The following CDHR1 variants were observed in gnomAD, a reference collection of about 807,000 sequenced individuals.
CDHR1 encodes the protein cadherin related family member 1.
In CDHR1, 61 loss-of-function variants were observed where a neutral mutation model predicts 72.1. The ratio of observed to expected loss-of-function variants is 0.85; its 90% CI spans 0.69 to 1.05. CDHR1 has a LOEUF of 1.05. Ranked by LOEUF, CDHR1 falls within the 50% of genes least tolerant of loss-of-function variation. The pLI is 0.00. For synonymous variants in CDHR1, 470 were observed against 448.1 expected (o/e 1.05, Z -0.62); for missense variants, 1,186 against 1,115.7 (o/e 1.06, Z -0.90).
Position 84,218,238 on chromosome 10 carries a change from C to T in CDHR1, c.*3617C>T. On this transcript the variant is annotated 3_prime_UTR_variant, in exon 17 of 17. Transcript: ENST00000623527. ...CTCACAAACAACCTAGGGAGGGGTTCTCTGAAGGGCCTAGTTTCCAGAATG... is the reference window on the plus strand; with the variant it reads ...CTCACAAACAACCTAGGGAGGGGTTTTCTGAAGGGCCTAGTTTCCAGAATG... 1 of 985,440 alleles carries T rather than the reference C, an allele frequency of 1.0e-6. No individual in the cohort carries two copies. The highest frequency in any genetic ancestry group is 4.7e-5 in the South Asian group (1 of 21,284). 61.0% of individuals were successfully genotyped at this position (985,440 alleles called of 1,614,324 possible).
In CDHR1 at chr10:84,205,829, A is replaced by ATTTGAAATT. The variant is rs761659444; in HGVS notation, c.865_866insTTTGAAATT (p.Asn289delinsIleTer). The ATTTGAAATT allele has an allele frequency of 1.9e-6, 3 of 1,613,252 alleles. No homozygotes were observed. Among genetic ancestry groups the ATTTGAAATT allele is most frequent in the Non-Finnish European group, 1.7e-6 (2 of 1,179,438 alleles). ...TCAGGGTGCATCTCCCTTGACAGGG[A>ATTTGAAATT]ACGATGGAGCCTTTGAAATTAATGA... On this transcript the variant is annotated stop_gained and protein_altering_variant, in exon 10 of 17. Coordinates refer to ENST00000623527, the MANE Select transcript of CDHR1 (RefSeq NM_033100.4). LOFTEE classifies it high-confidence loss of function.
chr10:84,206,577 C>A (rs915260877), intron 10 of CDHR1, among the ~76,000 whole-genome samples: 1 of 152,166 alleles, frequency 6.6e-6, no homozygotes, highest in African/African-American at 2.4e-5. Context: ...CAGTAAGGAG[C>A]CATTGGAAGG....
chr10:84,212,831 C>A, intron 15 of CDHR1: 1 of 581,874 alleles, frequency 1.7e-6, no homozygotes, highest in Non-Finnish European at 3.1e-6. Flanking sequence ...TTCATTTCTG[C>A]ATCTGTAATA....
At chr10:84,207,753 G>A (rs1842252878) in intron 10 of CDHR1, among the ~76,000 whole-genome samples, 1 of 152,188 alleles carries the variant, frequency 6.6e-6, no homozygotes, top group South Asian at 2.1e-4. Context: ...CCCTCACATG[G>A]TTGCAATCAG....
rs958854123 is a variant in CDHR1, at chr10:84,214,715, A to C, written c.*94A>C. ...TCCCCTTCCTCTGCTCCTTAAGGTC[A>C]CTGACCCCTGTTTTGCACAATGGTA... On this transcript the variant is annotated 3_prime_UTR_variant, in exon 17 of 17. Coordinates refer to ENST00000623527, the MANE Select transcript of CDHR1 (RefSeq NM_033100.4). The C allele has an allele frequency of 1.2e-5, 19 of 1,583,990 alleles. No homozygotes were observed. Among genetic ancestry groups the C allele is most frequent in the Admixed American group, 1.0e-4 (6 of 58,108 alleles).
rs147421275 is a variant in CDHR1 at position 84,205,575 on chromosome 10, TAAGAA to T, written c.863-248_863-244del. 5.2e-3 allele frequency among the ~76,000 whole-genome samples: 780 copies of T among 151,204 alleles called. 7 individuals carry two copies. Among genetic ancestry groups the T allele is most frequent in the African/African-American group, 0.018 (741 of 41,084 alleles). Reference sequence around the variant, plus strand: ...ACACATGCACATATAGTATTATGCATAAGAAAAGGGACACAGTATGGAATGTGGGA... The same window carrying T: ...ACACATGCACATATAGTATTATGCATAAGGGACACAGTATGGAATGTGGGA... On this transcript the variant is annotated intron_variant, in intron 9 of 16. Transcript: ENST00000623527.
rs951989391 is a variant in CDHR1 at position 84,218,343 on chromosome 10, A to T, written c.*3722A>T. 2.0e-6 allele frequency: 2 copies of T among 985,422 alleles called. No homozygotes were observed. The highest frequency in any genetic ancestry group is 2.4e-6 in the Non-Finnish European group (2 of 829,928). 61.0% of individuals were successfully genotyped at this position (985,422 alleles called of 1,614,324 possible). On this transcript the variant is annotated 3_prime_UTR_variant, in exon 17 of 17. Transcript: ENST00000623527. ...GGCTGATGTTGGGGACATCGGTTTG[A>T]TGTTATAAAATCGTGCACATGTACC...
downstream of CDHR1, chr10:84,218,698 CG>C: frequency 1.0e-6 from 1 of 988,726 alleles, no homozygotes. Flanking sequence ...ACAACTATAT[CG>C]GAAACTGTAG....
chr10:84,207,876 G>A (rs912587153), intron 10 of CDHR1, among the ~76,000 whole-genome samples: 1 of 152,146 alleles, frequency 6.6e-6, no homozygotes, highest in Non-Finnish European at 1.5e-5. Context: ...TGGACTAAGA[G>A]GTTCAGCTCC....
chr10:84,204,555 T>A lies in CDHR1; in HGVS notation c.812T>A (p.Met271Lys). ...TCGGAGGTACTGAAGGTGGTCGCCA[T>A]GGATGGAGACCGGGGCAAACCCAAT... is the stretch of plus-strand genomic sequence containing the variant. ...PGSEVLKVVA[M>K]DGDRGKPNRI... The change falls in exon 9 of 17, where the codon ATG becomes AAG. Residue 271 changes from methionine to lysine, a missense_variant. Coordinates refer to ENST00000623527, the MANE Select transcript of CDHR1 (RefSeq NM_033100.4). The A allele has an allele frequency of 6.2e-7, 1 of 1,613,898 alleles. No individual in the cohort carries two copies. The highest frequency in any genetic ancestry group is 1.1e-5 in the South Asian group (1 of 91,070).
chr10:84,219,424 C>T (rs565553017), downstream of CDHR1: 14 of 1,299,302 alleles, frequency 1.1e-5, no homozygotes, highest in South Asian at 2.0e-4. Flanking sequence ...CAGCCCTTCT[C>T]TCATCCTGAC....
At position 84,218,502 on chromosome 10, in the gene CDHR1, C is replaced by A; in HGVS notation, c.*3881C>A. The A allele has an allele frequency of 1.0e-6, 1 of 985,348 alleles. No individual in the cohort carries two copies. 61.0% of individuals were successfully genotyped at this position (985,348 alleles called of 1,614,324 possible). A position where few individuals can be genotyped will look rare whatever the true frequency, so the allele number is the denominator to read the frequency against. On this transcript the variant is annotated 3_prime_UTR_variant, in exon 17 of 17. Coordinates refer to ENST00000623527, the MANE Select transcript of CDHR1 (RefSeq NM_033100.4). ...CTAGGTGTTAGGTGTATGTCTCTAA[C>A]AAGATAGAAGGAAAGAAGAAAAGAA...
downstream of CDHR1, chr10:84,218,932 C>T (rs1564669090): frequency 5.6e-6 from 3 of 537,162 alleles, no homozygotes; most frequent in African/African-American, 5.9e-5. Flanking sequence ...TGAGGGTTTA[C>T]TATGTGCCAG....
At chr10:84,213,032 C>G in intron 15 of CDHR1, 59 bp from the exon 16 acceptor site, 1 of 1,610,818 alleles carries the variant, frequency 6.2e-7, no homozygotes, top group Non-Finnish European at 8.5e-7. Context: ...GCTGATTTAG[C>G]CAGAGTACAC....
At chr10:84,195,747 C>CA (rs1842019055) in intron 2 of CDHR1, among the ~76,000 whole-genome samples, 158 bp downstream of exon 2, 1 of 152,212 alleles carries the variant, frequency 6.6e-6, no homozygotes, top group African/African-American at 2.4e-5. Context: ...GAAAGAAGGT[C>CA]ATTGCTGCCA....
At chr10:84,218,835 G>A (rs979365478), downstream of CDHR1, 49 of 919,964 alleles carry the variant, frequency 5.3e-5, no homozygotes, top group Non-Finnish European at 6.7e-5. Flanking sequence ...ATTCCAAATG[G>A]CCCTATGTGC....
chr10:84,201,724 G>C (rs980822911), intron 6 of CDHR1, 83 bp from the exon 7 acceptor site: 2 of 1,104,370 alleles, frequency 1.8e-6, no homozygotes, highest in Non-Finnish European at 2.7e-6. Flanking sequence ...GGGCAGTGAG[G>C]ACCCCCTTCA....
In CDHR1 at chr10:84,216,483, A is replaced by C. The variant is rs1842427869; in HGVS notation, c.*1862A>C. On this transcript the variant is annotated 3_prime_UTR_variant, in exon 17 of 17. Coordinates refer to ENST00000623527, the MANE Select transcript of CDHR1 (RefSeq NM_033100.4). The stretch of plus-strand genomic sequence containing the variant: ...GCATCCTTACAGCTTGCATGCAATC[A>C]ACCTCTTTTGTAAATGGAAAATAAA... 1.0e-6 allele frequency: 1 copy of C among 985,406 alleles called. No individual in the cohort carries two copies. Among genetic ancestry groups the C allele is most frequent in the African/African-American group, 1.7e-5 (1 of 57,264 alleles). The allele number at this position is 985,406 out of a possible 1,614,324, so 61.0% of individuals were successfully genotyped here. A position where few individuals can be genotyped will look rare whatever the true frequency, so the allele number is the denominator to read the frequency against.
In CDHR1 at chr10:84,217,685, G is replaced by A; in HGVS notation, c.*3064G>A. ...TAGAACACCATGTCCTGAAAGAGAG[G>A]ACCCCCTCCATGCATCCTCACCCCC... On this transcript the variant is annotated 3_prime_UTR_variant, in exon 17 of 17. Coordinates refer to ENST00000623527, the MANE Select transcript of CDHR1 (RefSeq NM_033100.4). 1 of 985,482 alleles carries A rather than the reference G, an allele frequency of 1.0e-6. No individual in the cohort carries two copies. Among genetic ancestry groups the A allele is most frequent in the South Asian group, 4.7e-5 (1 of 21,284 alleles). 61.0% of individuals were successfully genotyped at this position (985,482 alleles called of 1,614,324 possible).
Sources: allele counts gnomAD v4.1 joint callset (sites outside exome capture counted in the v4.1 genomes callset), GRCh38; gene constraint gnomAD v4.1.1; transcripts MANE v1.5; gene names NCBI Gene and HGNC (gene_info 2026-07-23, HGNC 2026-07-21).